RAP1GAP2: variants seen among roughly 807,000 people sequenced by gnomAD.
The protein encoded by RAP1GAP2 is RAP1 GTPase activating protein 2, also known as rap1 GTPase-activating protein 2.
A neutral mutation model predicts 95.0 loss-of-function variants in RAP1GAP2; 27 were observed. The ratio of observed to expected loss-of-function variants is 0.28; its 90% CI spans 0.21 to 0.39. RAP1GAP2 has a LOEUF of 0.39. Ranked by LOEUF, RAP1GAP2 falls within the 10% of genes least tolerant of loss-of-function variation. The pLI is 1.00. For missense variants in RAP1GAP2, 771 were observed against 970.0 expected (o/e 0.79, Z 2.72); for synonymous variants, 373 against 380.9 (o/e 0.98, Z 0.24).
chr17:2,982,666 T>G lies in RAP1GAP2; in HGVS notation c.729+1418T>G, dbSNP rs999067559. On this transcript the variant is annotated intron_variant, in intron 10 of 24. Coordinates refer to ENST00000254695, the MANE Select transcript of RAP1GAP2 (RefSeq NM_015085.5). ...CCTCCCCTTTATAATTACAACTGAATGAGTGGGGTTTAACCAGACATTAAA... is the reference window on the plus strand; with the variant it reads ...CCTCCCCTTTATAATTACAACTGAAGGAGTGGGGTTTAACCAGACATTAAA... 3.3e-5 allele frequency among the ~76,000 whole-genome samples: 5 copies of G among 152,270 alleles called. No homozygotes were observed. The East Asian group carries it at 7.7e-4, about 24-fold the overall frequency.
intron 3 of RAP1GAP2, among the ~76,000 whole-genome samples, chr17:2,914,906 C>T (rs1298463965): frequency 6.6e-6 from 1 of 151,750 alleles, no homozygotes; most frequent in Non-Finnish European, 1.5e-5. Context: ...ATTCTCCTGC[C>T]TCAGTCCCCC....
chr17:2,771,574 A>C (rs1458752959), intron 2 of RAP1GAP2, among the ~76,000 whole-genome samples: 3 of 145,600 alleles, frequency 2.1e-5, no homozygotes, highest in African/African-American at 7.7e-5. Context: ...GCTCACTGCA[A>C]CCTCCGCCTC....
intron 8 of RAP1GAP2, among the ~76,000 whole-genome samples, chr17:2,976,980 C>CA (rs1225287153): frequency 1.3e-5 from 2 of 151,386 alleles, no homozygotes; most frequent in African/African-American, 4.9e-5. Flanking sequence ...ACTAAAAATA[C>CA]AAAAAAATTA....
intron 2 of RAP1GAP2, among the ~76,000 whole-genome samples, chr17:2,836,383 G>C (rs188174703): frequency 6.6e-6 from 1 of 152,136 alleles, no homozygotes; most frequent in Non-Finnish European, 1.5e-5. Context: ...TGTAATCTCA[G>C]GACTTGGGGA....
upstream of RAP1GAP2, among the ~76,000 whole-genome samples, chr17:2,773,676 T>TATTCATTC (rs10630035): frequency 3.9e-4 from 60 of 151,960 alleles, 1 homozygote; most frequent in South Asian, 2.9e-3. Flanking sequence ...CAGTAGATAC[T>TATTCATTC]ATTCATTCAT....
chr17:2,862,849 T>C (rs1383865222), intron 2 of RAP1GAP2, among the ~76,000 whole-genome samples: 1 of 151,784 alleles, frequency 6.6e-6, no homozygotes, highest in Non-Finnish European at 1.5e-5. Context: ...AATAAAAAAT[T>C]AGCTGGGCGT....
chr17:3,008,967 G>A lies in RAP1GAP2; in HGVS notation c.1494+822G>A, dbSNP rs184063291. On this transcript the variant is annotated intron_variant, in intron 17 of 24. Transcript: ENST00000254695. This position sits in a 1 kb window ranked among gnomAD's most constrained non-coding sequence, Gnocchi z 4.2. ...GCAGAGTTAGAGCCTCATTTCAAAC[G>A]CAGGTCTTCTGATTCTTAGGTCCGT... Among the ~76,000 whole-genome samples, 423 of 152,242 alleles carry A rather than the reference G, an allele frequency of 2.8e-3. 1 individual carries two copies. Among genetic ancestry groups the A allele is most frequent in the African/African-American group, 8.8e-3 (367 of 41,540 alleles).
intron 3 of RAP1GAP2, among the ~76,000 whole-genome samples, chr17:2,941,927 C>T (rs1319292009): frequency 1.3e-5 from 2 of 152,158 alleles, no homozygotes; most frequent in African/African-American, 4.8e-5. Flanking sequence ...AGGTGATCCA[C>T]CTGCCTCGGC....
chr17:2,785,233 C>G (rs56943334), intron 1 of RAP1GAP2, among the ~76,000 whole-genome samples: 2,732 of 152,210 alleles, frequency 0.018, 85 homozygotes, highest in African/African-American at 0.061. Context: ...CTGCTCTCCT[C>G]TGAGCCTTCC....
chr17:2,897,692 C>A (rs1243027524), intron 2 of RAP1GAP2, among the ~76,000 whole-genome samples: 2 of 152,060 alleles, frequency 1.3e-5, no homozygotes, highest in East Asian at 3.9e-4. Context: ...TTCCCACAAG[C>A]CTGGGCCGAG....
intron 2 of RAP1GAP2, among the ~76,000 whole-genome samples, chr17:2,882,030 C>T (rs2073317860): frequency 1.3e-5 from 2 of 151,090 alleles, no homozygotes. Flanking sequence ...CTGTGTTAGC[C>T]AGGATGGCCT....
chr17:2,835,522 G>A (rs1420731049), intron 2 of RAP1GAP2, among the ~76,000 whole-genome samples: 7 of 152,186 alleles, frequency 4.6e-5, no homozygotes, highest in South Asian at 2.1e-4. Flanking sequence ...CAAACTTGTT[G>A]TTAATGGTCA....
intron 2 of RAP1GAP2, among the ~76,000 whole-genome samples, chr17:2,864,324 A>G (rs961532903): frequency 2.0e-5 from 3 of 152,230 alleles, no homozygotes; most frequent in Non-Finnish European, 2.9e-5. Flanking sequence ...TGGAGCGTCC[A>G]TGCCTGATGG....
intron 8 of RAP1GAP2, among the ~76,000 whole-genome samples, chr17:2,973,238 G>A (rs551039707): frequency 3.9e-5 from 6 of 152,234 alleles, no homozygotes; most frequent in South Asian, 2.1e-4. Flanking sequence ...CTCTGGCGCC[G>A]GGCGTGGTGG....
intron 18 of RAP1GAP2, 79 bp from the exon 19 acceptor site, chr17:3,020,395 TTTG>T (rs1241082112): frequency 8.8e-7 from 1 of 1,135,312 alleles, no homozygotes; most frequent in African/African-American, 1.5e-5. Context: ...CCAGGAGCCA[TTTG>T]TAGACCAGGG....
chr17:2,998,089 C>A, intron 13 of RAP1GAP2, 132 bp from the exon 14 acceptor site: 2 of 1,063,272 alleles, frequency 1.9e-6, no homozygotes, highest in Middle Eastern at 2.1e-4. Context: ...ACTTCCAAAA[C>A]AACAACCACG....
At chr17:2,779,619 G>A (rs2068590253) in intron 1 of RAP1GAP2, among the ~76,000 whole-genome samples, 1 of 152,168 alleles carries the variant, frequency 6.6e-6, no homozygotes, top group Admixed American at 6.6e-5. Flanking sequence ...TCTGCCTCAG[G>A]AGGACACAGA....
chr17:2,787,389 G>A (rs2068811779), intron 1 of RAP1GAP2, among the ~76,000 whole-genome samples: 1 of 151,814 alleles, frequency 6.6e-6, no homozygotes, highest in South Asian at 2.1e-4. Context: ...TAGGTAGCTG[G>A]GAATACAGGT....
chr17:2,976,801 G>A (rs1444526149), intron 8 of RAP1GAP2, among the ~76,000 whole-genome samples: 5 of 151,996 alleles, frequency 3.3e-5, no homozygotes, highest in African/African-American at 9.7e-5. Context: ...TAGTAAGATC[G>A]ATAAACCTCC....
Sources: allele counts gnomAD v4.1 joint callset (sites outside exome capture counted in the v4.1 genomes callset), GRCh38; gene constraint gnomAD v4.1.1; non-coding constraint Gnocchi (gnomAD v3.1); transcripts MANE v1.5; gene names NCBI Gene and HGNC (gene_info 2026-07-23, HGNC 2026-07-21).